CKAP5: variants seen among roughly 807,000 people sequenced by gnomAD.
CKAP5 encodes the protein cytoskeleton-associated protein 5.
CKAP5 carries 27 observed loss-of-function variants against 232.8 expected under a neutral mutation model. The ratio of observed to expected loss-of-function variants is 0.12; its 90% CI spans 0.09 to 0.16. The LOEUF (loss-of-function observed/expected upper bound fraction) is 0.16. Ranked by LOEUF, CKAP5 falls within the 10% of genes least tolerant of loss-of-function variation. The probability of loss-of-function intolerance (pLI) is 1.00; values close to 1 mark genes in which losing one functional copy is unlikely to be tolerated. For missense variants in CKAP5, 1,838 were observed against 2,424.7 expected (o/e 0.76, Z 5.08); for synonymous variants, 785 against 841.1 (o/e 0.93, Z 1.16).
At chr11:46,763,413 A>AT in intron 29 of CKAP5, 68 bp downstream of exon 29, 1 of 1,419,172 alleles carries the variant, frequency 7.0e-7, no homozygotes, top group Non-Finnish European at 9.5e-7. Context: ...CAAACTTCAG[A>AT]TTATTTCATA....
At chr11:46,831,290 T>C (rs1013537617) in intron 1 of CKAP5, among the ~76,000 whole-genome samples, 4 of 152,178 alleles carry the variant, frequency 2.6e-5, no homozygotes, top group Middle Eastern at 3.2e-3. Flanking sequence ...AGATGATAAA[T>C]AATGCTTTTA....
At chr11:46,812,214 C>A (rs1207885674) in intron 4 of CKAP5, among the ~76,000 whole-genome samples, 1 of 151,984 alleles carries the variant, frequency 6.6e-6, no homozygotes, top group African/African-American at 2.4e-5. Flanking sequence ...GCCTGTAATC[C>A]CAGCTACCTG....
chr11:46,764,303 A>G (rs1244454374), intron 28 of CKAP5, among the ~76,000 whole-genome samples: 5 of 152,246 alleles, frequency 3.3e-5, no homozygotes, highest in Non-Finnish European at 1.5e-5. Flanking sequence ...ACATATGTGT[A>G]CAAAGACCTA....
chr11:46,752,193 T>TATATATATATACACACACACAC (rs1408030107), intron 38 of CKAP5, among the ~76,000 whole-genome samples: 1 of 66,552 alleles, frequency 1.5e-5, no homozygotes, highest in African/African-American at 5.1e-5. Context: ...TATATATATA[T>TATATATATATACACACACACAC]ACACACACAC....
Position 46,762,762 on chromosome 11 carries a change from C to T in CKAP5, c.3892G>A (p.Val1298Ile). The part of the protein sequence containing the change: ...SSFIPYLVVK[V>I]GEPKDVIRKD... ...CGAATGACATCCTTTGGTTCTCCAA[C>T]CTAGTCGATAAGGAAAATAATGATT... Residue 1298 changes from valine (V) to isoleucine (I), a missense_variant and splice_region_variant, in exon 31 of 44, where the codon GTT becomes ATT. Coordinates refer to ENST00000529230, the MANE Select transcript of CKAP5 (RefSeq NM_001008938.4). The T allele has an allele frequency of 1.2e-6, 2 of 1,613,562 alleles. No individual in the cohort carries two copies. The highest frequency in any genetic ancestry group is 1.7e-6 in the Non-Finnish European group (2 of 1,179,676).
In CKAP5 at chr11:46,767,768, G is replaced by T. The variant is rs573672063; in HGVS notation, c.3323-105C>A. ...GACAAGGAAGCTTGCAGTCTTAAATGTATCAATTTATAAGATGTTTTCAGT... is the reference window on the plus strand; with the variant it reads ...GACAAGGAAGCTTGCAGTCTTAAATTTATCAATTTATAAGATGTTTTCAGT... On this transcript the variant is annotated intron_variant, in intron 26 of 43. Coordinates refer to ENST00000529230, the MANE Select transcript of CKAP5 (RefSeq NM_001008938.4). The T allele has an allele frequency of 1.9e-3, 1,203 of 646,670 alleles. 15 individuals are homozygous for T. In the South Asian group the frequency reaches 0.021, roughly 11 times the overall value. The allele number at this position is 646,670 out of a possible 1,614,324, so 40.1% of individuals were successfully genotyped here.
intron 27 of CKAP5, among the ~76,000 whole-genome samples, chr11:46,766,335 T>C (rs1306227321): frequency 6.6e-6 from 1 of 152,170 alleles, no homozygotes; most frequent in African/African-American, 2.4e-5. Flanking sequence ...AAAACACTCG[T>C]GATCTAAACT....
chr11:46,813,695 G>A (rs1296357973), intron 4 of CKAP5, among the ~76,000 whole-genome samples: 3 of 152,068 alleles, frequency 2.0e-5, no homozygotes, highest in Non-Finnish European at 4.4e-5. Context: ...GAACCACACA[G>A]GGATGGGACT....
intron 12 of CKAP5, 108 bp downstream of exon 12, chr11:46,796,704 G>A (rs562348953): frequency 8.1e-7 from 1 of 1,241,812 alleles, no homozygotes; most frequent in Non-Finnish European, 1.1e-6. Context: ...AAAAAATCAA[G>A]AACTCCTCAT....
rs1273960023 is a variant in CKAP5, at chr11:46,750,755, G to C, written c.5461-144C>G. On this transcript the variant is annotated intron_variant, in intron 40 of 43. Transcript: ENST00000529230. ...GATAACAGATGCACCGATGATGCAG[G>C]TCTTGCAGCAGAAGCACTAACATTC... is the stretch of plus-strand genomic sequence containing the variant. The C allele has an allele frequency of 1.8e-5, 12 of 660,872 alleles. No individual in the cohort carries two copies. In the Admixed American group the frequency reaches 3.0e-4, roughly 17 times the overall value. 40.9% of individuals were successfully genotyped at this position (660,872 alleles called of 1,614,324 possible).
At chr11:46,818,666 G>C (rs960773505) in intron 2 of CKAP5, among the ~76,000 whole-genome samples, 163 bp from the exon 3 acceptor site, 27 of 151,954 alleles carry the variant, frequency 1.8e-4, no homozygotes, top group African/African-American at 6.5e-4. Flanking sequence ...TTAAGAAATT[G>C]GCAGTTTTCA....
At position 46,801,105 on chromosome 11, in the gene CKAP5, C is replaced by G. The variant is rs544263011; in HGVS notation, c.1083+95G>C. Reference sequence around the variant, plus strand: ...TTTACTTTGTACAGTATATACACATCTATGCCAAGGAGTTGTTTTAAAGCA... The same window carrying G: ...TTTACTTTGTACAGTATATACACATGTATGCCAAGGAGTTGTTTTAAAGCA... On this transcript the variant is annotated intron_variant, in intron 9 of 43. Transcript: ENST00000529230. 6 of 787,248 alleles carry G rather than the reference C, an allele frequency of 7.6e-6. No homozygotes were observed. The East Asian group carries it at 1.6e-4, about 21-fold the overall frequency. 48.8% of individuals were successfully genotyped at this position (787,248 alleles called of 1,614,324 possible).
chr11:46,757,086 A>AT (rs916599896), intron 35 of CKAP5, among the ~76,000 whole-genome samples: 3 of 151,956 alleles, frequency 2.0e-5, no homozygotes, highest in Non-Finnish European at 4.4e-5. Flanking sequence ...TCTTTATAAA[A>AT]TGTCCTTAAT....
intron 1 of CKAP5, among the ~76,000 whole-genome samples, chr11:46,830,491 A>C (rs1400806336): frequency 6.7e-6 from 1 of 149,776 alleles, no homozygotes; most frequent in Non-Finnish European, 1.5e-5. Context: ...AAAGATGGCC[A>C]CAGGCCTAGG....
intron 34 of CKAP5, 101 bp from the exon 35 acceptor site, chr11:46,759,144 A>G (rs1336228540): frequency 3.3e-6 from 5 of 1,510,550 alleles, no homozygotes; most frequent in Non-Finnish European, 4.5e-6. Context: ...TTAGTTAACA[A>G]CTGCTATCAT....
At chr11:46,747,041 G>A (rs542509709) in intron 42 of CKAP5, among the ~76,000 whole-genome samples, 2 of 152,222 alleles carry the variant, frequency 1.3e-5, no homozygotes, top group South Asian at 4.1e-4. Context: ...GGAGGCCAAG[G>A]CAAAAGAATC....
intron 1 of CKAP5, among the ~76,000 whole-genome samples, chr11:46,843,342 G>A (rs1323834603): frequency 6.6e-6 from 1 of 152,128 alleles, no homozygotes; most frequent in Non-Finnish European, 1.5e-5. Context: ...TGGTCAGGGA[G>A]TGGCAAAAAG....
intron 43 of CKAP5, 77 bp from the exon 44 acceptor site, chr11:46,744,342 T>C: frequency 6.2e-7 from 1 of 1,612,414 alleles, no homozygotes; most frequent in Non-Finnish European, 8.5e-7. Flanking sequence ...ACAGCAAGAC[T>C]AAGCCACTTC....
At chr11:46,785,217 C>A (rs2065380484) in intron 16 of CKAP5, among the ~76,000 whole-genome samples, 1 of 152,108 alleles carries the variant, frequency 6.6e-6, no homozygotes, top group Non-Finnish European at 1.5e-5. Context: ...GGATTAAGGA[C>A]CCCTTTGCTC....
Sources: gnomAD v4.1 joint callset for allele counts (sites outside exome capture counted in the v4.1 genomes callset) on GRCh38, gnomAD v4.1.1 for gene constraint, MANE v1.5 for transcripts, NCBI Gene and HGNC (gene_info 2026-07-23, HGNC 2026-07-21) for gene names.